ANO4: variants seen among roughly 807,000 people sequenced by gnomAD.
The protein encoded by ANO4 is anoctamin-4.
ANO4 carries 69 observed loss-of-function variants against 141.9 expected under a neutral mutation model. The ratio of observed to expected loss-of-function variants is 0.49; its 90% CI spans 0.40 to 0.59. The LOEUF (loss-of-function observed/expected upper bound fraction) is 0.59. Ranked by LOEUF, ANO4 falls within the 20% of genes least tolerant of loss-of-function variation. The pLI is 0.00. For synonymous variants in ANO4, 350 were observed against 394.3 expected (o/e 0.89, Z 1.33); for missense variants, 894 against 1,162.2 (o/e 0.77, Z 3.36).
chr12:101,054,089 T>C (rs1290382130), intron 14 of ANO4, among the ~76,000 whole-genome samples: 1 of 152,204 alleles, frequency 6.6e-6, no homozygotes, highest in Non-Finnish European at 1.5e-5. Context: ...AAACCACACG[T>C]GTAAAATGTT....
At chr12:101,108,361 G>A (rs999271245) in intron 22 of ANO4, among the ~76,000 whole-genome samples, 2 of 152,096 alleles carry the variant, frequency 1.3e-5, no homozygotes, top group African/African-American at 4.8e-5. Context: ...TGAGGTAGAT[G>A]GACTCTGCAG....
At chr12:100,862,837 A>G (rs1023372236) in intron 1 of ANO4, among the ~76,000 whole-genome samples, 6 of 152,204 alleles carry the variant, frequency 3.9e-5, no homozygotes, top group Non-Finnish European at 8.8e-5. Context: ...TATGTTGTCC[A>G]TCATTGACTG....
chr12:100,815,380 G>T (rs904787708), intron 1 of ANO4, among the ~76,000 whole-genome samples: 2 of 152,062 alleles, frequency 1.3e-5, no homozygotes, highest in Non-Finnish European at 2.9e-5. Context: ...AAGTATTTTT[G>T]ATATTTGACA....
intron 3 of ANO4, among the ~76,000 whole-genome samples, chr12:100,762,441 C>A (rs770931411): frequency 1.1e-4 from 16 of 152,088 alleles, no homozygotes; most frequent in Non-Finnish European, 1.6e-4. Flanking sequence ...GAAAGGAGAC[C>A]AGAATCTCTA....
At chr12:100,861,648 A>G (rs2038482035) in intron 1 of ANO4, among the ~76,000 whole-genome samples, 1 of 152,178 alleles carries the variant, frequency 6.6e-6, no homozygotes, top group Non-Finnish European at 1.5e-5. Flanking sequence ...TTTAGTCTAC[A>G]CTAAGGTTAA....
At chr12:100,901,961 T>G in intron 2 of ANO4, 121 bp downstream of exon 2, 2 of 956,846 alleles carry the variant, frequency 2.1e-6, no homozygotes, top group Admixed American at 2.9e-5. Context: ...GTTAGGAGTC[T>G]TGTTCTATTT....
chr12:101,037,621 T>C (rs560956280), intron 10 of ANO4, among the ~76,000 whole-genome samples: 1 of 152,368 alleles, frequency 6.6e-6, no homozygotes, highest in African/African-American at 2.4e-5. Context: ...TCACCTAAGA[T>C]GTATAAATAC....
intron 1 of ANO4, among the ~76,000 whole-genome samples, chr12:100,894,394 C>T (rs73389634): frequency 0.02 from 2,968 of 151,980 alleles, 103 homozygotes; most frequent in African/African-American, 0.068. Context: ...GGAGCGGGGG[C>T]GGTCCTACGT....
At chr12:101,120,303 A>G (rs2051033531) in intron 25 of ANO4, among the ~76,000 whole-genome samples, 1 of 152,172 alleles carries the variant, frequency 6.6e-6, no homozygotes, top group Non-Finnish European at 1.5e-5. Flanking sequence ...AGGCAGGTGG[A>G]GGGGGAAGTC....
chr12:100,919,105 T>C (rs960762955), intron 2 of ANO4, among the ~76,000 whole-genome samples: 8 of 152,200 alleles, frequency 5.3e-5, no homozygotes, highest in African/African-American at 1.9e-4. Context: ...CTATAAAATG[T>C]GTTTTTGTTT....
chr12:100,839,245 G>T (rs1399441), intron 1 of ANO4, among the ~76,000 whole-genome samples: 3 of 152,130 alleles, frequency 2.0e-5, no homozygotes, highest in Non-Finnish European at 4.4e-5. Context: ...CAGTGGCTCA[G>T]AAGAAAATCT....
At chr12:100,732,165 C>T (rs2031405568) in intron 1 of ANO4, among the ~76,000 whole-genome samples, 1 of 152,186 alleles carries the variant, frequency 6.6e-6, no homozygotes. Context: ...AATAAATTGC[C>T]AAACTCTCTT....
At chr12:100,912,603 A>G (rs1259683425) in intron 2 of ANO4, among the ~76,000 whole-genome samples, 10 of 152,070 alleles carry the variant, frequency 6.6e-5, no homozygotes, top group Admixed American at 5.9e-4. Flanking sequence ...TATCTTGAAG[A>G]TGAGCATTAG....
chr12:100,882,163 C>G (rs994217672), intron 1 of ANO4, among the ~76,000 whole-genome samples: 1 of 152,152 alleles, frequency 6.6e-6, no homozygotes, highest in Non-Finnish European at 1.5e-5. Context: ...CTCATGGAAT[C>G]TTCAAACCAA....
chr12:101,012,518 G>A (rs936925824), intron 8 of ANO4, among the ~76,000 whole-genome samples: 1 of 152,174 alleles, frequency 6.6e-6, no homozygotes, highest in African/African-American at 2.4e-5. Flanking sequence ...GCCCTGGGCA[G>A]TAACAGTCTG....
At chr12:100,868,082 C>A (rs2038847803) in intron 1 of ANO4, among the ~76,000 whole-genome samples, 1 of 152,150 alleles carries the variant, frequency 6.6e-6, no homozygotes, top group African/African-American at 2.4e-5. Context: ...TGTACCACAG[C>A]AATATTTCAG....
rs764493575 is a variant in ANO4 at position 101,083,702 on chromosome 12, G to A, written c.1420G>A (p.Ala474Thr). 5 of 1,608,620 alleles carry A rather than the reference G, an allele frequency of 3.1e-6. No individual in the cohort carries two copies. The Admixed American group carries it at 8.6e-5, about 28-fold the overall frequency. Residue 474 changes from alanine to threonine, a missense_variant, in exon 16 of 28, where the codon GCC becomes ACC. Physicochemically the swap from Ala to Thr is moderately conservative, Grantham distance 58. This residue lies in a region of ANO4 where 637 missense variants were observed against 909.2 expected (regional missense o/e 0.70). Coordinates refer to ENST00000392977, the MANE Select transcript of ANO4 (RefSeq NM_001286615.2). ...EEEEIRPQFE[A>T]KYSKKERMNP... ...GGAAGAAATACGACCCCAGTTTGAA[G>A]CCAAGTATTCCAAGAAAGAGCGGAT...
chr12:100,821,924 A>G (rs2036076426), intron 1 of ANO4, among the ~76,000 whole-genome samples: 1 of 151,962 alleles, frequency 6.6e-6, no homozygotes, highest in Non-Finnish European at 1.5e-5. Context: ...GATATTCTCA[A>G]ATTGCCCCTC....
At chr12:100,970,610 A>C (rs1164549896) in intron 5 of ANO4, among the ~76,000 whole-genome samples, 1 of 151,342 alleles carries the variant, frequency 6.6e-6, no homozygotes, top group Non-Finnish European at 1.5e-5. Flanking sequence ...TCTTCAGAAC[A>C]CTCAATATTA....
Sources: allele counts gnomAD v4.1 joint callset (sites outside exome capture counted in the v4.1 genomes callset), GRCh38; gene constraint gnomAD v4.1.1; regional missense constraint gnomAD v4.1.1; transcripts MANE v1.5; gene names NCBI Gene and HGNC (gene_info 2026-07-23, HGNC 2026-07-21).